SNX15: variants seen among roughly 807,000 people sequenced by gnomAD.
The protein encoded by SNX15 is sorting nexin 15, also known as sorting nexin-15.
A neutral mutation model predicts 35.2 loss-of-function variants in SNX15; 29 were observed. The ratio of observed to expected loss-of-function variants is 0.82; its 90% CI spans 0.61 to 1.12. The LOEUF (loss-of-function observed/expected upper bound fraction) is 1.12. Among genes scored for constraint, SNX15 ranks in the 50% most tolerant of loss-of-function variants. SNX15 has a pLI of 0.00. For missense variants in SNX15, 400 were observed against 451.5 expected (o/e 0.89, Z 1.03); for synonymous variants, 189 against 188.2 (o/e 1.00, Z -0.03).
At chr11:65,033,425 T>A (rs2136932736) in intron 3 of SNX15, among the ~76,000 whole-genome samples, 1 of 150,932 alleles carries the variant, frequency 6.6e-6, no homozygotes, top group East Asian at 2.0e-4. Flanking sequence ...GTGCTTGTAA[T>A]CTCAGCTACT....
rs893914959 is a variant in SNX15 at position 65,038,898 on chromosome 11, A to C, written c.922+69A>C. Reference sequence around the variant, plus strand: ...TGGGGCAGTGATGAAGGGAGCAAAAAAACAAGCAAATCACGGATCAGGAGC... The same window carrying C: ...TGGGGCAGTGATGAAGGGAGCAAAACAACAAGCAAATCACGGATCAGGAGC... On this transcript the variant is annotated intron_variant, in intron 7 of 7. Coordinates refer to ENST00000377244, the MANE Select transcript of SNX15 (RefSeq NM_013306.5). 26 of 1,333,584 alleles carry C rather than the reference A, an allele frequency of 1.9e-5. No individual in the cohort carries two copies. In the African/African-American group the frequency reaches 3.1e-4, roughly 16 times the overall value. The allele number at this position is 1,333,584 out of a possible 1,614,324, so 82.6% of individuals were successfully genotyped here. A position where few individuals can be genotyped will look rare whatever the true frequency, so the allele number is the denominator to read the frequency against.
intron 1 of SNX15, among the ~76,000 whole-genome samples, chr11:65,031,352 C>T (rs1946437642): frequency 6.6e-6 from 1 of 152,198 alleles, no homozygotes; most frequent in Admixed American, 6.5e-5. Flanking sequence ...TGTCAAGTAC[C>T]CCAAACCATA....
Position 65,039,823 on chromosome 11 carries a change from C to A in SNX15, c.*31C>A, listed in dbSNP as rs895612343. ...AGTGGGCCATTCCCTGGGACTCTCG[C>A]TCCTGCACTGCCAGCCCCTTCTCCT... On this transcript the variant is annotated 3_prime_UTR_variant, in exon 8 of 8. Coordinates refer to ENST00000377244, the MANE Select transcript of SNX15 (RefSeq NM_013306.5). The A allele has an allele frequency of 4.2e-6, 6 of 1,432,644 alleles. No homozygotes were observed. The highest frequency in any genetic ancestry group is 5.8e-6 in the Non-Finnish European group (6 of 1,026,080). The allele number at this position is 1,432,644 out of a possible 1,614,324, so 88.7% of individuals were successfully genotyped here.
At chr11:65,032,034 C>G in intron 1 of SNX15, 134 bp from the exon 2 acceptor site, 8 of 772,392 alleles carry the variant, frequency 1.0e-5, no homozygotes, top group South Asian at 1.7e-5. Context: ...AGCCAGGGTG[C>G]CTTGATGCCA....
intron 1 of SNX15, 85 bp downstream of exon 1, chr11:65,027,721 C>G: frequency 2.0e-6 from 2 of 1,004,094 alleles, no homozygotes; most frequent in East Asian, 2.5e-5. Context: ...GCAGCCACTG[C>G]TCCCTTTTTA....
intron 1 of SNX15, among the ~76,000 whole-genome samples, chr11:65,028,813 G>T (rs528979439): frequency 2.6e-5 from 4 of 151,880 alleles, no homozygotes; most frequent in African/African-American, 9.7e-5. Context: ...CCCAGTGGTG[G>T]CCGGGCGCGG....
At chr11:65,030,534 G>A (rs113576397) in intron 1 of SNX15, among the ~76,000 whole-genome samples, 13,350 of 142,178 alleles carry the variant, frequency 0.094, 902 homozygotes, top group South Asian at 0.21. Context: ...GAGTCTCACT[G>A]TGTTGCCAGG....
chr11:65,028,166 T>C (rs1462485270), intron 1 of SNX15, among the ~76,000 whole-genome samples: 1 of 152,168 alleles, frequency 6.6e-6, no homozygotes, highest in Non-Finnish European at 1.5e-5. Flanking sequence ...CTAGAGTTGA[T>C]ATATGAAGCG....
In SNX15 at chr11:65,035,645, G is replaced by A. The variant is rs1207063918; in HGVS notation, c.646G>A (p.Asp216Asn). The A allele has an allele frequency of 1.9e-6, 3 of 1,607,370 alleles. No homozygotes were observed. The highest frequency in any genetic ancestry group is 1.3e-5 in the African/African-American group (1 of 74,554). ...PLTEAELALF[D>N]PFSKEEGAAP... is the part of the protein sequence containing the mutation. ...CACCGAGGCTGAGCTTGCCCTCTTC[G>A]ACCCCTTCTCCAAGGAAGGTAATGA... is the stretch of plus-strand genomic sequence containing the variant. Residue 216 changes from aspartate (D) to asparagine (N), a missense_variant, in exon 6 of 8, where the codon GAC becomes AAC. Asp to Asn is a conservative substitution (Grantham distance 23, BLOSUM62 1). Coordinates refer to ENST00000377244, the MANE Select transcript of SNX15 (RefSeq NM_013306.5).
Position 65,039,969 on chromosome 11 carries a change from G to A in SNX15, c.*177G>A. 3.6e-6 allele frequency: 2 copies of A among 548,158 alleles called. No homozygotes were observed. The highest frequency in any genetic ancestry group is 2.5e-5 in the South Asian group (1 of 40,234). The allele number at this position is 548,158 out of a possible 1,614,324, so 34.0% of individuals were successfully genotyped here. On this transcript the variant is annotated 3_prime_UTR_variant, in exon 8 of 8. Coordinates refer to ENST00000377244, the MANE Select transcript of SNX15 (RefSeq NM_013306.5). The stretch of plus-strand genomic sequence containing the variant: ...GCTCCCTGATTACACCTGCCACCTT[G>A]GAATCAAGGACTCACACTTCTGACC...
chr11:65,033,416 T>A (rs892618518), intron 3 of SNX15, among the ~76,000 whole-genome samples: 41 of 151,536 alleles, frequency 2.7e-4, no homozygotes, highest in African/African-American at 9.5e-4. Context: ...TAGTGGCAAG[T>A]GCTTGTAATC....
intron 3 of SNX15, among the ~76,000 whole-genome samples, chr11:65,033,032 C>T (rs931999632): frequency 5.3e-5 from 8 of 152,116 alleles, no homozygotes; most frequent in Middle Eastern, 3.4e-3. Flanking sequence ...TGCACCACCA[C>T]GCCTGGCTAA....
rs375890503 is a variant in SNX15, at chr11:65,027,486, G to C, written c.-52G>C. ...GGGCGGAGGCTGGGCCGGAGGGGTG[G>C]GGACGGCGAGGAGGTGGAGGCCGGC... On this transcript the variant is annotated 5_prime_UTR_variant, in exon 1 of 8. Coordinates refer to ENST00000377244, the MANE Select transcript of SNX15 (RefSeq NM_013306.5). The C allele has an allele frequency of 1.3e-5, 19 of 1,453,652 alleles. No homozygotes were observed. The African/African-American group carries it at 2.5e-4, about 19-fold the overall frequency. 90.0% of individuals were successfully genotyped at this position (1,453,652 alleles called of 1,614,324 possible).
chr11:65,030,392 C>T (rs563019911), intron 1 of SNX15, among the ~76,000 whole-genome samples: 1 of 150,846 alleles, frequency 6.6e-6, no homozygotes, highest in Non-Finnish European at 1.5e-5. Flanking sequence ...AGAGTTTTGC[C>T]ATGTTGCCCA....
intron 1 of SNX15, 42 bp downstream of exon 1, chr11:65,027,678 G>A (rs769647852): frequency 5.5e-6 from 8 of 1,457,644 alleles, no homozygotes; most frequent in South Asian, 2.3e-5. Context: ...TTTAACTAGA[G>A]GGGCGCCGAG....
Position 65,039,695 on chromosome 11 carries a change from T to C in SNX15, c.932T>C (p.Leu311Ser). 6.2e-7 allele frequency: 1 copy of C among 1,612,778 alleles called. No homozygotes were observed. Among genetic ancestry groups the C allele is most frequent in the Non-Finnish European group, 8.5e-7 (1 of 1,179,350 alleles). ...CATTCTCTCTCCACAGGTGACCCGT[T>C]GCCTGCCCGCCAGGAAGGTGTGAAG... ...VLLQGVPSDP[L>S]PARQEGVKKK... Residue 311 changes from leucine (L) to serine (S), a missense_variant, in exon 8 of 8, where the codon TTG (leucine) becomes TCG (serine). Physicochemically the swap from Leu to Ser is moderately radical, Grantham distance 145 (BLOSUM62 -2). Transcript: ENST00000377244.
rs767032654 is a variant in SNX15, at chr11:65,032,138, T to A, written c.100-30T>A. The A allele has an allele frequency of 9.9e-6, 16 of 1,612,962 alleles. No homozygotes were observed. In the Admixed American group the frequency reaches 2.7e-4, roughly 27 times the overall value. On this transcript the variant is annotated intron_variant, in intron 1 of 7. Transcript: ENST00000377244. Reference sequence around the variant, plus strand: ...GAGGGTGTCAGATGGCAGTCTCTGGTCTCAACCAGCTCTTGCCTTTCTTTC... The same window carrying A: ...GAGGGTGTCAGATGGCAGTCTCTGGACTCAACCAGCTCTTGCCTTTCTTTC...
In SNX15 at chr11:65,027,451, A is replaced by AGGC; in HGVS notation, c.-78_-76dup. 5.9e-6 allele frequency: 6 copies of AGGC among 1,019,832 alleles called. No homozygotes were observed. The highest frequency in any genetic ancestry group is 4.8e-5 in the East Asian group (2 of 41,990). The allele number at this position is 1,019,832 out of a possible 1,614,324, so 63.2% of individuals were successfully genotyped here. The stretch of plus-strand genomic sequence containing the variant: ...GAGGAAGAAGAGCGCAGGCCTGGCG[A>AGGC]GGCGGCGGCGGGCGGAGGCTGGGCC... On this transcript the variant is annotated 5_prime_UTR_variant, in exon 1 of 8. Coordinates refer to ENST00000377244, the MANE Select transcript of SNX15 (RefSeq NM_013306.5).
intron 1 of SNX15, 122 bp downstream of exon 1, chr11:65,027,758 AG>A: frequency 1.4e-6 from 1 of 728,610 alleles, no homozygotes; most frequent in Non-Finnish European, 2.4e-6. Flanking sequence ...TTCCCCTTTA[AG>A]GGGAGGTTGC....
Sources: gnomAD v4.1 joint callset for allele counts (sites outside exome capture counted in the v4.1 genomes callset) on GRCh38, gnomAD v4.1.1 for gene constraint, MANE v1.5 for transcripts, NCBI Gene and HGNC (gene_info 2026-07-23, HGNC 2026-07-21) for gene names.